Variants in PRKAR2A observed in about 807,000 individuals in gnomAD.
The protein encoded by PRKAR2A is cAMP-dependent protein kinase type II-alpha regulatory subunit.
Under a neutral mutation model 51.9 loss-of-function variants are expected in PRKAR2A, and 29 were observed. That is an observed-to-expected ratio of 0.56 (90% CI 0.42 to 0.76). The LOEUF is 0.76. PRKAR2A is among the 30% of genes least tolerant of loss of function. The pLI is 0.00. For synonymous variants in PRKAR2A, 178 were observed against 186.2 expected (o/e 0.96, Z 0.36); for missense variants, 445 against 512.1 (o/e 0.87, Z 1.26).
intron 1 of PRKAR2A, among the ~76,000 whole-genome samples, chr3:48,837,378 G>A (rs2083303055): frequency 6.6e-6 from 1 of 152,124 alleles, no homozygotes; most frequent in African/African-American, 2.4e-5. Flanking sequence ...TTAGAGAAAT[G>A]CAAATCAAAA....
chr3:48,807,866 T>C (rs909380455), intron 1 of PRKAR2A, among the ~76,000 whole-genome samples, 182 bp from the exon 2 acceptor site: 2 of 152,186 alleles, frequency 1.3e-5, no homozygotes, highest in Non-Finnish European at 2.9e-5. Flanking sequence ...TAAGACAATA[T>C]AGGAAATACA....
rs1169541606 is a variant in PRKAR2A, at chr3:48,749,154, A to C, written c.*2431T>G. On this transcript the variant is annotated 3_prime_UTR_variant, in exon 11 of 11. Coordinates refer to ENST00000265563, the MANE Select transcript of PRKAR2A (RefSeq NM_004157.4). ...GGACTTAACAAGTTAAAAAGAAACA[A>C]AAAATCATATTGGAAATGGCCTCTT... 1 of 152,226 alleles carries C rather than the reference A, an allele frequency of 6.6e-6. No individual in the cohort carries two copies. The highest frequency in any genetic ancestry group is 1.5e-5 in the Non-Finnish European group (1 of 68,042). The allele number at this position is 152,226 out of a possible 1,614,324, so 9.4% of individuals were successfully genotyped here.
At chr3:48,846,671 C>A (rs2083468605) in intron 1 of PRKAR2A, among the ~76,000 whole-genome samples, 1 of 152,208 alleles carries the variant, frequency 6.6e-6, no homozygotes, top group African/African-American at 2.4e-5. Flanking sequence ...ATTATTTACT[C>A]TCACCAAATT....
At chr3:48,815,649 C>T (rs1368492281) in intron 1 of PRKAR2A, among the ~76,000 whole-genome samples, 2 of 148,754 alleles carry the variant, frequency 1.3e-5, no homozygotes, top group South Asian at 2.1e-4. Flanking sequence ...GCCGAGATCG[C>T]GCCACTGCAC....
intron 5 of PRKAR2A, among the ~76,000 whole-genome samples, chr3:48,780,899 A>G (rs1451564043): frequency 6.6e-6 from 1 of 152,152 alleles, no homozygotes; most frequent in Non-Finnish European, 1.5e-5. Context: ...GTAAGAGAAT[A>G]TCCTTTTTAG....
chr3:48,821,697 C>T (rs936281995), intron 1 of PRKAR2A, among the ~76,000 whole-genome samples: 2 of 151,636 alleles, frequency 1.3e-5, no homozygotes, highest in African/African-American at 4.8e-5. Flanking sequence ...GCGGGCGGAT[C>T]GCGAGGTCAG....
intron 5 of PRKAR2A, among the ~76,000 whole-genome samples, chr3:48,780,900 T>A (rs185514113): frequency 2.6e-5 from 4 of 152,250 alleles, no homozygotes; most frequent in African/African-American, 9.6e-5. Context: ...TAAGAGAATA[T>A]CCTTTTTAGG....
rs148604839 is a variant in PRKAR2A, at chr3:48,752,215, C to G, written c.1042G>C (p.Ala348Pro). 1 of 1,614,094 alleles carries G rather than the reference C, an allele frequency of 6.2e-7. No homozygotes were observed. Among genetic ancestry groups the G allele is most frequent in the Non-Finnish European group, 8.5e-7 (1 of 1,180,042 alleles). The change falls in exon 10 of 11, where the codon GCT (alanine) becomes CCT (proline). Residue 348 changes from alanine to proline, a missense_variant. Coordinates refer to ENST00000265563, the MANE Select transcript of PRKAR2A (RefSeq NM_004157.4). ...TCTCCAACTGCATAAGCTGAGGCAG[C>G]TCTGGGTTTGTTGGTGACCAGGGCA... The part of the protein sequence containing the change: ...ELALVTNKPR[A>P]ASAYAVGDVK...
intron 2 of PRKAR2A, among the ~76,000 whole-genome samples, chr3:48,797,043 T>C (rs969478900): frequency 6.6e-6 from 1 of 152,116 alleles, no homozygotes; most frequent in Non-Finnish European, 1.5e-5. Flanking sequence ...TATCATCTGT[T>C]AACAGGCAAC....
intron 8 of PRKAR2A, among the ~76,000 whole-genome samples, chr3:48,764,771 T>C (rs924092774): frequency 6.6e-6 from 1 of 152,152 alleles, no homozygotes; most frequent in East Asian, 1.9e-4. Flanking sequence ...ATTACAGGCA[T>C]GGGCCACCAC....
Position 48,783,047 on chromosome 3 carries a change from T to A in PRKAR2A, c.481A>T (p.Lys161Ter). The A allele has an allele frequency of 6.2e-7, 1 of 1,613,948 alleles. No homozygotes were observed. The highest frequency in any genetic ancestry group is 8.5e-7 in the Non-Finnish European group (1 of 1,179,992). ...VLDAMFERIV[K>*]ADEHVIDQGD... Reference sequence around the variant, plus strand: ...TGGTCAATGACATGCTCATCAGCTTTGACTATCCTTTCAAACATGGCATCG... The same window carrying A: ...TGGTCAATGACATGCTCATCAGCTTAGACTATCCTTTCAAACATGGCATCG... Residue 161 changes from lysine to a stop codon, truncating the protein, a stop_gained, in exon 5 of 11, where the codon AAA (lysine) becomes TAA (stop). Coordinates refer to ENST00000265563, the MANE Select transcript of PRKAR2A (RefSeq NM_004157.4). LOFTEE classifies it high-confidence loss of function.
intron 8 of PRKAR2A, among the ~76,000 whole-genome samples, chr3:48,760,306 G>A (rs956322345): frequency 6.6e-6 from 1 of 152,104 alleles, no homozygotes; most frequent in Non-Finnish European, 1.5e-5. Context: ...GTAGTCAGCC[G>A]AGATTGTGCC....
At chr3:48,769,157 C>T (rs9835038) in intron 6 of PRKAR2A, among the ~76,000 whole-genome samples, 34 of 136,312 alleles carry the variant, frequency 2.5e-4, no homozygotes, top group African/African-American at 7.2e-4. Flanking sequence ...AAATATCTTT[C>T]TTTTTTTTTT....
chr3:48,825,284 A>G (rs1165371963), intron 1 of PRKAR2A, among the ~76,000 whole-genome samples: 2 of 151,828 alleles, frequency 1.3e-5, no homozygotes, highest in South Asian at 2.1e-4. Context: ...TTGGGATTAG[A>G]GGCATGAGGC....
chr3:48,814,148 T>C (rs1396187625), intron 1 of PRKAR2A, among the ~76,000 whole-genome samples: 1 of 151,960 alleles, frequency 6.6e-6, no homozygotes, highest in Non-Finnish European at 1.5e-5. Flanking sequence ...CTCAGGAGGC[T>C]GAGGCAGGAA....
At chr3:48,841,494 A>G (rs2083380927) in intron 1 of PRKAR2A, among the ~76,000 whole-genome samples, 1 of 150,358 alleles carries the variant, frequency 6.7e-6, no homozygotes, top group Non-Finnish European at 1.5e-5. Context: ...CAATGAACCA[A>G]GATCCCGCCA....
chr3:48,816,912 T>C (rs943402255), intron 1 of PRKAR2A, among the ~76,000 whole-genome samples: 1 of 151,992 alleles, frequency 6.6e-6, no homozygotes, highest in Admixed American at 6.6e-5. Flanking sequence ...CTGGGTACAA[T>C]GGCTCATGCC....
chr3:48,834,012 G>A (rs1286210059), intron 1 of PRKAR2A, among the ~76,000 whole-genome samples: 4 of 146,920 alleles, frequency 2.7e-5, no homozygotes, highest in Non-Finnish European at 4.5e-5. Context: ...TCCAGGCTGG[G>A]CAACAAAGCA....
At chr3:48,760,543 C>T (rs147284412) in intron 8 of PRKAR2A, among the ~76,000 whole-genome samples, 16 of 151,454 alleles carry the variant, frequency 1.1e-4, no homozygotes, top group African/African-American at 2.2e-4. Flanking sequence ...GGGTGTAGGC[C>T]GGGCGCAGTG....
Sources: gnomAD v4.1 joint callset for allele counts (sites outside exome capture counted in the v4.1 genomes callset) on GRCh38, gnomAD v4.1.1 for gene constraint, MANE v1.5 for transcripts, NCBI Gene and HGNC (gene_info 2026-07-23, HGNC 2026-07-21) for gene names.